Variants in ADAM32 observed in about 807,000 individuals in gnomAD.
ADAM32 encodes the protein ADAM metallopeptidase domain 32.
In ADAM32, 89 loss-of-function variants were observed where a neutral mutation model predicts 114.9. That is an observed-to-expected ratio of 0.77 (90% CI 0.65 to 0.92). ADAM32 has a LOEUF of 0.92. Ranked by LOEUF, ADAM32 falls within the 40% of genes least tolerant of loss-of-function variation. The probability of loss-of-function intolerance (pLI) is 0.00; values close to 1 mark genes in which losing one functional copy is unlikely to be tolerated. For missense variants in ADAM32, 870 were observed against 932.8 expected (o/e 0.93, Z 0.88); for synonymous variants, 285 against 307.5 (o/e 0.93, Z 0.77).
intron 12 of ADAM32, among the ~76,000 whole-genome samples, chr8:39,216,648 A>G (rs1232532995): frequency 6.6e-6 from 1 of 152,022 alleles, no homozygotes; most frequent in African/African-American, 2.4e-5. Context: ...TGAGACTAGC[A>G]AATACTATCT....
intron 2 of ADAM32, among the ~76,000 whole-genome samples, chr8:39,119,516 G>T (rs13280710): frequency 7.2e-5 from 11 of 151,920 alleles, no homozygotes; most frequent in South Asian, 2.1e-4. Flanking sequence ...TGCCTTTTCT[G>T]TGGAATGTCT....
chr8:39,167,654 A>G (rs1266243339), intron 9 of ADAM32: 1 of 152,094 alleles, frequency 6.6e-6, no homozygotes, highest in Admixed American at 6.6e-5. Flanking sequence ...CACAATATTG[A>G]TTCGATCCAT....
chr8:39,277,568 C>T (rs6989252), intron 22 of ADAM32, among the ~76,000 whole-genome samples: 51,386 of 152,078 alleles, frequency 0.34, 10,299 homozygotes, highest in African/African-American at 0.57. Flanking sequence ...CCTGACTCCT[C>T]ATCGGAGGGA....
intron 12 of ADAM32, among the ~76,000 whole-genome samples, chr8:39,219,790 C>G (rs1269870762): frequency 6.6e-6 from 1 of 152,126 alleles, no homozygotes; most frequent in Non-Finnish European, 1.5e-5. Context: ...TTTTATTTCA[C>G]TGTGGCTTGA....
chr8:39,212,526 C>A (rs888456559), intron 12 of ADAM32, among the ~76,000 whole-genome samples: 1 of 152,112 alleles, frequency 6.6e-6, no homozygotes, highest in Non-Finnish European at 1.5e-5. Flanking sequence ...ATTCTGTTAC[C>A]TTTGCCTGGT....
At chr8:39,190,832 T>C (rs185615305) in intron 11 of ADAM32, among the ~76,000 whole-genome samples, 30 of 152,316 alleles carry the variant, frequency 2.0e-4, no homozygotes, top group African/African-American at 6.7e-4. Flanking sequence ...ACTTGAGTCA[T>C]GGGGGTTTGT....
Position 39,211,334 on chromosome 8 carries a change from A to G in ADAM32, c.1233+10A>G, listed in dbSNP as rs777765663. 4 of 1,464,352 alleles carry G rather than the reference A, an allele frequency of 2.7e-6. No individual in the cohort carries two copies. The highest frequency in any genetic ancestry group is 1.5e-5 in the African/African-American group (1 of 68,632). 90.7% of individuals were successfully genotyped at this position (1,464,352 alleles called of 1,614,324 possible). A position where few individuals can be genotyped will look rare whatever the true frequency, so the allele number is the denominator to read the frequency against. On this transcript the variant is annotated intron_variant, in intron 12 of 24. Transcript: ENST00000379907. The stretch of plus-strand genomic sequence containing the variant: ...TTGTGGTACTGAGGCTGTAAGTATG[A>G]TAACTAGGAAAATTGATTAATAAAT...
chr8:39,221,774 C>T, intron 13 of ADAM32, 72 bp downstream of exon 13: 1 of 954,126 alleles, frequency 1.0e-6, no homozygotes, highest in South Asian at 1.9e-5. Context: ...CAACACAGAC[C>T]TACAGCTGTA....
At chr8:39,233,521 C>A (rs1180409600) in intron 15 of ADAM32, among the ~76,000 whole-genome samples, 3 of 152,102 alleles carry the variant, frequency 2.0e-5, no homozygotes, top group Non-Finnish European at 2.9e-5. Flanking sequence ...ATTTGACTGG[C>A]CTCTTTATCT....
At chr8:39,188,893 C>T (rs1806417076) in intron 11 of ADAM32, among the ~76,000 whole-genome samples, 1 of 152,098 alleles carries the variant, frequency 6.6e-6, no homozygotes, top group Non-Finnish European at 1.5e-5. Flanking sequence ...TGCATATCCA[C>T]AGTACATCTC....
intron 19 of ADAM32, among the ~76,000 whole-genome samples, chr8:39,258,358 A>G (rs949716472): frequency 1.3e-4 from 20 of 149,802 alleles, no homozygotes; most frequent in African/African-American, 5.0e-4. Context: ...CTTATTTTCT[A>G]AAATAAGAAA....
chr8:39,252,514 T>TCAAGAAAC (rs1811369785), intron 17 of ADAM32, among the ~76,000 whole-genome samples: 1 of 151,328 alleles, frequency 6.6e-6, no homozygotes, highest in Admixed American at 6.6e-5. Flanking sequence ...CATTCTAACT[T>TCAAGAAAC]TACACCTCAA....
intron 19 of ADAM32, among the ~76,000 whole-genome samples, chr8:39,267,536 G>A (rs1564721615): frequency 1.3e-5 from 2 of 152,130 alleles, no homozygotes; most frequent in African/African-American, 2.4e-5. Flanking sequence ...TATAAATGAA[G>A]CTGTTGTGAA....
chr8:39,107,536 C>G, upstream of ADAM32: 3 of 1,208,080 alleles, frequency 2.5e-6, no homozygotes, highest in Non-Finnish European at 3.3e-6. Flanking sequence ...GTCAGTGGCT[C>G]CAGCAACCAC....
intron 12 of ADAM32, among the ~76,000 whole-genome samples, chr8:39,218,775 C>T (rs1013137222): frequency 6.6e-6 from 1 of 152,102 alleles, no homozygotes; most frequent in Non-Finnish European, 1.5e-5. Flanking sequence ...GGGCTCCCCT[C>T]TGTCCCAGGA....
intron 19 of ADAM32, among the ~76,000 whole-genome samples, chr8:39,258,394 TTA>T (rs1472040591): frequency 8.0e-6 from 1 of 124,856 alleles, no homozygotes; most frequent in African/African-American, 4.3e-5. Flanking sequence ...AACCTTCTCC[TTA>T]ACATATATCA....
intron 16 of ADAM32, among the ~76,000 whole-genome samples, chr8:39,237,911 C>T (rs1254230992): frequency 1.3e-5 from 2 of 152,170 alleles, no homozygotes; most frequent in Non-Finnish European, 2.9e-5. Flanking sequence ...TTGTATTCCC[C>T]CTATACTACT....
chr8:39,268,268 T>G (rs1812491830), intron 19 of ADAM32, among the ~76,000 whole-genome samples: 1 of 152,234 alleles, frequency 6.6e-6, no homozygotes, highest in Non-Finnish European at 1.5e-5. Context: ...GGTCTCATTT[T>G]TTTTAACTTT....
intron 22 of ADAM32, 127 bp downstream of exon 22, chr8:39,275,993 C>A: frequency 1.3e-6 from 1 of 781,170 alleles, no homozygotes; most frequent in Admixed American, 3.5e-5. Flanking sequence ...AAGTACTGTA[C>A]CTTAAAACAA....
Sources: allele counts gnomAD v4.1 joint callset (sites outside exome capture counted in the v4.1 genomes callset), GRCh38; gene constraint gnomAD v4.1.1; transcripts MANE v1.5; gene names NCBI Gene and HGNC (gene_info 2026-07-23, HGNC 2026-07-21).